OSBPL10: variants seen among roughly 807,000 people sequenced by gnomAD.
OSBPL10 encodes oxysterol-binding protein-related protein 10.
A neutral mutation model predicts 81.7 loss-of-function variants in OSBPL10; 49 were observed. That is an observed-to-expected ratio of 0.60 (90% CI 0.48 to 0.76). The LOEUF is 0.76. OSBPL10 is among the 30% of genes least tolerant of loss of function. The pLI is 0.00. For synonymous variants in OSBPL10, 419 were observed against 383.6 expected (o/e 1.09, Z -1.08); for missense variants, 923 against 987.8 (o/e 0.93, Z 0.88).
chr3:31,940,613 C>T (rs7636642), intron 1 of OSBPL10, among the ~76,000 whole-genome samples: 4,739 of 152,214 alleles, frequency 0.031, 263 homozygotes, highest in African/African-American at 0.11. Flanking sequence ...ACTCCTTCTT[C>T]GTCACCTTCC....
chr3:32,055,256 T>C (rs577245545), intron 1 of OSBPL10, among the ~76,000 whole-genome samples: 12 of 122,864 alleles, frequency 9.8e-5, no homozygotes, highest in Non-Finnish European at 1.7e-4. Flanking sequence ...CAGGCTGGAG[T>C]GCAGTGGCGG....
At chr3:31,868,175 G>A (rs1181295101) in intron 3 of OSBPL10, among the ~76,000 whole-genome samples, 1 of 152,162 alleles carries the variant, frequency 6.6e-6, no homozygotes, top group African/African-American at 2.4e-5. Flanking sequence ...ATCAGATTAT[G>A]TCTGGGGGTG....
intron 3 of OSBPL10, among the ~76,000 whole-genome samples, chr3:31,842,781 C>T (rs1700530777): frequency 6.6e-6 from 1 of 152,102 alleles, no homozygotes; most frequent in Non-Finnish European, 1.5e-5. Flanking sequence ...GACTTTAAGT[C>T]TAACGGATCA....
At chr3:31,837,901 A>G (rs1168158392) in intron 3 of OSBPL10, among the ~76,000 whole-genome samples, 1 of 152,198 alleles carries the variant, frequency 6.6e-6, no homozygotes, top group Non-Finnish European at 1.5e-5. Context: ...ATGGAAATAC[A>G]CATATCAGGT....
intron 4 of OSBPL10, among the ~76,000 whole-genome samples, chr3:31,803,215 C>T (rs1368589870): frequency 6.6e-6 from 1 of 152,110 alleles, no homozygotes; most frequent in Non-Finnish European, 1.5e-5. Context: ...AAAGCTCTAC[C>T]AGGCCAATGA....
intron 4 of OSBPL10, among the ~76,000 whole-genome samples, chr3:31,783,146 T>TATATATATATATACACACACAC (rs1485968747): frequency 1.8e-5 from 2 of 113,034 alleles, no homozygotes; most frequent in African/African-American, 7.7e-5. Context: ...TATATATATA[T>TATATATATATATACACACACAC]ACACACACAC....
intron 8 of OSBPL10, among the ~76,000 whole-genome samples, chr3:31,678,181 T>C (rs1700534598): frequency 6.6e-6 from 1 of 151,676 alleles, no homozygotes; most frequent in South Asian, 2.1e-4. Flanking sequence ...CAAGTTCAGC[T>C]GCAGAGGCAA....
intron 4 of OSBPL10, among the ~76,000 whole-genome samples, chr3:31,755,632 T>A (rs755641502): frequency 6.6e-6 from 1 of 152,164 alleles, no homozygotes; most frequent in African/African-American, 2.4e-5. Flanking sequence ...CATTTTGAAG[T>A]TCAACAATTT....
At chr3:31,942,492 A>C (rs1364902692) in intron 1 of OSBPL10, among the ~76,000 whole-genome samples, 1 of 142,832 alleles carries the variant, frequency 7.0e-6, no homozygotes, top group Non-Finnish European at 1.5e-5. Flanking sequence ...CCAAGATCGC[A>C]TCATTGCACT....
chr3:32,026,360 A>C (rs1300875925), intron 2 of OSBPL10, among the ~76,000 whole-genome samples: 1 of 152,004 alleles, frequency 6.6e-6, no homozygotes, highest in Non-Finnish European at 1.5e-5. Context: ...CTAGTTTCAA[A>C]CTCCTGGTGT....
chr3:32,004,773 A>G (rs951488442), intron 2 of OSBPL10, among the ~76,000 whole-genome samples: 1 of 152,248 alleles, frequency 6.6e-6, no homozygotes, highest in Non-Finnish European at 1.5e-5. Flanking sequence ...TTGCAGGTGT[A>G]TGGCTTAGCC....
In OSBPL10 at chr3:31,965,558, TA is replaced by T. The variant is rs1437333413; in HGVS notation, c.281+15340del. Among the ~76,000 whole-genome samples the T allele has an allele frequency of 9.4e-5, 8 of 84,924 alleles. No homozygotes were observed. The East Asian group carries it at 2.8e-3, about 30-fold the overall frequency. The allele number at this position is 84,924 out of a possible 152,430, so 55.7% of individuals were successfully genotyped here. A position where few individuals can be genotyped will look rare whatever the true frequency, so the allele number is the denominator to read the frequency against. ...TATAAATTATATATTATATATTATA[TA>T]AATTATATATTATATAATATATTAT... On this transcript the variant is annotated intron_variant, in intron 1 of 11. Transcript: ENST00000396556.
chr3:32,030,092 T>G (rs1699452723), intron 2 of OSBPL10: 1 of 193,696 alleles, frequency 5.2e-6, no homozygotes, highest in Admixed American at 5.6e-5. Context: ...CAAAGAAGGT[T>G]AGAGGCTAAA....
At chr3:31,671,287 A>G (rs1398427355) in intron 8 of OSBPL10, among the ~76,000 whole-genome samples, 1 of 152,200 alleles carries the variant, frequency 6.6e-6, no homozygotes, top group Non-Finnish European at 1.5e-5. Context: ...GGCCAGCACA[A>G]TGGAGGCCTC....
At chr3:31,831,964 AAAC>A (rs1375187635) in intron 3 of OSBPL10, among the ~76,000 whole-genome samples, 1 of 152,242 alleles carries the variant, frequency 6.6e-6, no homozygotes, top group African/African-American at 2.4e-5. Context: ...AAAGGACAGA[AAAC>A]AACCCAAATG....
intron 1 of OSBPL10, among the ~76,000 whole-genome samples, chr3:32,058,707 G>A (rs113681217): frequency 0.02 from 3,112 of 152,148 alleles, 106 homozygotes; most frequent in African/African-American, 0.069. Flanking sequence ...ATGCTCTGTC[G>A]CCTAGGCTGG....
intron 1 of OSBPL10, among the ~76,000 whole-genome samples, chr3:31,903,330 G>GTTTTTTTT (rs11383935): frequency 7.3e-6 from 1 of 137,396 alleles, no homozygotes; most frequent in Non-Finnish European, 1.5e-5. Context: ...TGCTTTTTAG[G>GTTTTTTTT]TTTTTTTTTT....
chr3:31,989,692 A>G, intron 2 of OSBPL10: 2 of 1,613,976 alleles, frequency 1.2e-6, no homozygotes, highest in Non-Finnish European at 1.7e-6. Context: ...CCATATTTCT[A>G]ATAACTATGA....
intron 8 of OSBPL10, among the ~76,000 whole-genome samples, chr3:31,679,480 T>A: frequency 6.6e-6 from 1 of 152,184 alleles, no homozygotes; most frequent in East Asian, 1.9e-4. Flanking sequence ...GATAAGTGAA[T>A]GGGTAAATGA....
Sources: gnomAD v4.1 joint callset for allele counts (sites outside exome capture counted in the v4.1 genomes callset) on GRCh38, gnomAD v4.1.1 for gene constraint, MANE v1.5 for transcripts, NCBI Gene and HGNC (gene_info 2026-07-23, HGNC 2026-07-21) for gene names.